Variants in DPYSL2 observed in about 807,000 individuals in gnomAD.
DPYSL2 encodes dihydropyrimidinase like 2.
A neutral mutation model predicts 69.9 loss-of-function variants in DPYSL2; 13 were observed. The observed-to-expected ratio is 0.19, with a 90% CI of 0.12 to 0.30. The LOEUF (loss-of-function observed/expected upper bound fraction) is 0.30. DPYSL2 is among the 10% of genes least tolerant of loss of function. The pLI is 1.00. For synonymous variants in DPYSL2, 326 were observed against 359.1 expected (o/e 0.91, Z 1.04); for missense variants, 587 against 918.9 (o/e 0.64, Z 4.67).
intron 1 of DPYSL2, among the ~76,000 whole-genome samples, chr8:26,541,968 T>G (rs73226137): frequency 0.092 from 14,014 of 152,224 alleles, 852 homozygotes; most frequent in Middle Eastern, 0.17. Flanking sequence ...TGGATTAATC[T>G]CACCAATCAA....
At chr8:26,536,496 C>T (rs146984372) in intron 1 of DPYSL2, among the ~76,000 whole-genome samples, 13,991 of 151,940 alleles carry the variant, frequency 0.092, 848 homozygotes, top group Middle Eastern at 0.17. Flanking sequence ...CATGGTGAAA[C>T]GCCGTCTCTA....
chr8:26,652,108 TAAGTGCCTGCTGGGGTG>T lies in DPYSL2; in HGVS notation c.1597-148_1597-132del. The T allele has an allele frequency of 1.7e-6, 1 of 576,688 alleles. No individual in the cohort carries two copies. Among genetic ancestry groups the T allele is most frequent in the East Asian group, 3.1e-5 (1 of 32,168 alleles). 35.7% of individuals were successfully genotyped at this position (576,688 alleles called of 1,614,324 possible). On this transcript the variant is annotated intron_variant, in intron 11 of 13. Transcript: ENST00000521913. This position sits in a 1 kb window ranked among gnomAD's most constrained non-coding sequence, Gnocchi z 6.3. ...GACAGGGAAATGGAGACACAGCAAG[TAAGTGCCTGCTGGGGTG>T]CCCAGTTGGGACAGGATCCCTGTCT... is the stretch of plus-strand genomic sequence containing the variant.
intron 1 of DPYSL2, among the ~76,000 whole-genome samples, chr8:26,546,921 C>CAAAAAAAAAAAAAAAAAAAAAAAAA (rs61360009): frequency 2.2e-5 from 1 of 46,206 alleles, no homozygotes; most frequent in African/African-American, 1.1e-4. Flanking sequence ...GACTCAGTCT[C>CAAAAAAAAAAAAAAAAAAAAAAAAA]AAAAAAAAAA....
intron 1 of DPYSL2, among the ~76,000 whole-genome samples, chr8:26,535,250 G>A (rs1271229231): frequency 6.6e-6 from 1 of 152,062 alleles, no homozygotes; most frequent in Non-Finnish European, 1.5e-5. Flanking sequence ...GGAACTAACT[G>A]CAGTGTGAGG....
intron 1 of DPYSL2, chr8:26,578,669 T>C: frequency 9.9e-7 from 1 of 1,007,182 alleles, no homozygotes; most frequent in Non-Finnish European, 1.2e-6. Flanking sequence ...GGCTGCGTGC[T>C]GCGAGGCTGG....
At chr8:26,632,729 G>T (rs1802807008) in intron 7 of DPYSL2, among the ~76,000 whole-genome samples, 1 of 152,164 alleles carries the variant, frequency 6.6e-6, no homozygotes, top group South Asian at 2.1e-4. Flanking sequence ...GGTTCTAGTG[G>T]AGTCCATCTC....
rs7841384 is a variant in DPYSL2, at chr8:26,643,835, A to G, written c.1284-115A>G. On this transcript the variant is annotated intron_variant, in intron 9 of 13. Transcript: ENST00000521913. The surrounding 1 kb of genome is among the most constrained non-coding windows in gnomAD (Gnocchi z 6.5). ...AAGCCAAGAAGGGAGAGGAGGCGTCAAAAGGACTCCACTTGGGTTGGTGTG... is the reference window on the plus strand; with the variant it reads ...AAGCCAAGAAGGGAGAGGAGGCGTCGAAAGGACTCCACTTGGGTTGGTGTG... The G allele has an allele frequency of 0.018, 25,402 of 1,404,446 alleles. 2,315 individuals carry two copies. The African/African-American group carries it at 0.24, about 13-fold the overall frequency. The allele number at this position is 1,404,446 out of a possible 1,614,324, so 87.0% of individuals were successfully genotyped here.
chr8:26,622,100 T>TCCTTCCTC (rs1802496870), intron 3 of DPYSL2, among the ~76,000 whole-genome samples: 1 of 35,546 alleles, frequency 2.8e-5, no homozygotes. Context: ...TTTCCTTCCT[T>TCCTTCCTC]CCTTCCTTCC....
In DPYSL2 at chr8:26,586,001, G is replaced by A. The variant is rs1801592351; in HGVS notation, c.628+2018G>A. Among the ~76,000 whole-genome samples the A allele has an allele frequency of 6.6e-6, 1 of 152,190 alleles. No individual in the cohort carries two copies. On this transcript the variant is annotated intron_variant, in intron 3 of 13. Coordinates refer to ENST00000521913, the MANE Select transcript of DPYSL2 (RefSeq NM_001197293.3). This position sits in a 1 kb window ranked among gnomAD's most constrained non-coding sequence, Gnocchi z 4.7. The stretch of plus-strand genomic sequence containing the variant: ...CTCCTGGAGTCCCAGCTACTTGGGA[G>A]GCTGAGGCAGGAGAATCTTTGAACC...
intron 7 of DPYSL2, 95 bp from the exon 8 acceptor site, chr8:26,634,685 G>A (rs1802860280): frequency 2.5e-6 from 4 of 1,594,418 alleles, no homozygotes; most frequent in Non-Finnish European, 3.4e-6. Context: ...CAGCAGCCTC[G>A]CCTTCATCTT....
intron 3 of DPYSL2, among the ~76,000 whole-genome samples, chr8:26,613,622 G>A (rs1304319288): frequency 6.6e-6 from 1 of 152,194 alleles, no homozygotes; most frequent in Non-Finnish European, 1.5e-5. Flanking sequence ...GCTGACGGAC[G>A]GGAGGAAGGA....
chr8:26,604,320 G>A (rs1439249679), intron 3 of DPYSL2, among the ~76,000 whole-genome samples: 2 of 152,220 alleles, frequency 1.3e-5, no homozygotes, highest in Non-Finnish European at 2.9e-5. Flanking sequence ...CATTTGCATA[G>A]TGAGGTGTGA....
At chr8:26,606,604 G>A (rs573816039) in intron 3 of DPYSL2, among the ~76,000 whole-genome samples, 3 of 152,052 alleles carry the variant, frequency 2.0e-5, no homozygotes, top group Non-Finnish European at 4.4e-5. Flanking sequence ...TCACAAAAAG[G>A]AAATAATTCC....
In DPYSL2 at chr8:26,522,046, G is replaced by A. The variant is rs192395620; in HGVS notation, c.354+7367G>A. On this transcript the variant is annotated intron_variant, in intron 1 of 13. Transcript: ENST00000521913. Reference sequence around the variant, plus strand: ...TTTAAGGCTGGGCACAGTGGCTCATGCCTGTAATCCCAGCACTTTGGGAGG... The same window carrying A: ...TTTAAGGCTGGGCACAGTGGCTCATACCTGTAATCCCAGCACTTTGGGAGG... 3.1e-4 allele frequency among the ~76,000 whole-genome samples: 47 copies of A among 152,296 alleles called. 1 individual carries two copies. The highest frequency in any genetic ancestry group is 7.7e-4 in the African/African-American group (32 of 41,546).
intron 1 of DPYSL2, among the ~76,000 whole-genome samples, chr8:26,519,291 T>C (rs866907940): frequency 3.3e-5 from 5 of 152,196 alleles, no homozygotes; most frequent in Admixed American, 6.5e-5. Flanking sequence ...TGTCAGAGCT[T>C]GCAAGAGACC....
intron 1 of DPYSL2, among the ~76,000 whole-genome samples, chr8:26,550,587 G>T (rs987787071): frequency 1.3e-5 from 2 of 152,022 alleles, no homozygotes; most frequent in Non-Finnish European, 2.9e-5. Context: ...TTAAAAGGAT[G>T]GAGAAAGATA....
chr8:26,533,123 T>A lies in DPYSL2; in HGVS notation c.354+18444T>A, dbSNP rs1800538405. On this transcript the variant is annotated intron_variant, in intron 1 of 13. Transcript: ENST00000521913. The surrounding 1 kb of genome is among the most constrained non-coding windows in gnomAD (Gnocchi z 4.8). The stretch of plus-strand genomic sequence containing the variant: ...GTGGCTTTGGTTTGTATTTCCCTGA[T>A]GACTTGATGCCATTGAGCATCTTTT... 1.3e-5 allele frequency among the ~76,000 whole-genome samples: 2 copies of A among 152,222 alleles called. No individual in the cohort carries two copies. The highest frequency in any genetic ancestry group is 1.3e-4 in the Admixed American group (2 of 15,278).
rs1272049449 is a variant in DPYSL2, at chr8:26,588,509, C to T, written c.628+4526C>T. ...GGAACCACTGCTCTGAATGTCATTT[C>T]TGCTCACCTGAACTCCAGGCTCTCT... is the stretch of plus-strand genomic sequence containing the variant. On this transcript the variant is annotated intron_variant, in intron 3 of 13. Coordinates refer to ENST00000521913, the MANE Select transcript of DPYSL2 (RefSeq NM_001197293.3). This position sits in a 1 kb window ranked among gnomAD's most constrained non-coding sequence, Gnocchi z 5.4. Among the ~76,000 whole-genome samples, 7 of 152,208 alleles carry T rather than the reference C, an allele frequency of 4.6e-5. No homozygotes were observed. The highest frequency in any genetic ancestry group is 1.0e-4 in the Non-Finnish European group (7 of 68,030).
chr8:26,655,766 G>T lies in DPYSL2; in HGVS notation c.*60G>T. On this transcript the variant is annotated 3_prime_UTR_variant, in exon 14 of 14. Coordinates refer to ENST00000521913, the MANE Select transcript of DPYSL2 (RefSeq NM_001197293.3). Reference sequence around the variant, plus strand: ...GATGGGACACCTGAGGACATTCTGAGACTTCTTTCTTCCTTCCTTTTTTTT... The same window carrying T: ...GATGGGACACCTGAGGACATTCTGATACTTCTTTCTTCCTTCCTTTTTTTT... 6.4e-6 allele frequency: 8 copies of T among 1,245,648 alleles called. No individual in the cohort carries two copies. Among genetic ancestry groups the T allele is most frequent in the Non-Finnish European group, 8.8e-6 (8 of 910,354 alleles). The allele number at this position is 1,245,648 out of a possible 1,614,324, so 77.2% of individuals were successfully genotyped here. A position where few individuals can be genotyped will look rare whatever the true frequency, so the allele number is the denominator to read the frequency against.
Sources: gnomAD v4.1 joint callset for allele counts (sites outside exome capture counted in the v4.1 genomes callset) on GRCh38, gnomAD v4.1.1 for gene constraint, Gnocchi (gnomAD v3.1) non-coding constraint, MANE v1.5 for transcripts, NCBI Gene and HGNC (gene_info 2026-07-23, HGNC 2026-07-21) for gene names.